ZNF398: variants seen among roughly 807,000 people sequenced by gnomAD.
The protein encoded by ZNF398 is zinc finger protein 398.
A neutral mutation model predicts 41.9 loss-of-function variants in ZNF398; 18 were observed. The observed-to-expected ratio is 0.43, with a 90% CI of 0.30 to 0.64. The LOEUF (loss-of-function observed/expected upper bound fraction) is 0.64. Ranked by LOEUF, ZNF398 falls within the 30% of genes least tolerant of loss-of-function variation. The probability of loss-of-function intolerance (pLI) is 0.14; values close to 1 mark genes in which losing one functional copy is unlikely to be tolerated. For synonymous variants in ZNF398, 260 were observed against 308.8 expected (o/e 0.84, Z 1.66); for missense variants, 669 against 822.8 (o/e 0.81, Z 2.29).
intron 3 of ZNF398, 70 bp downstream of exon 3, chr7:149,166,354 C>A: frequency 6.4e-7 from 1 of 1,573,516 alleles, no homozygotes; most frequent in Non-Finnish European, 8.7e-7. Flanking sequence ...AGTCCCTTTT[C>A]CTCCAGTGAC....
At chr7:149,158,545 G>A (rs1795032182) in intron 2 of ZNF398, among the ~76,000 whole-genome samples, 1 of 152,004 alleles carries the variant, frequency 6.6e-6, no homozygotes, top group African/African-American at 2.4e-5. Flanking sequence ...TTTAAATTTA[G>A]TATTCATGGC....
chr7:149,178,216 C>T (rs965609792), intron 5 of ZNF398, among the ~76,000 whole-genome samples: 5 of 151,838 alleles, frequency 3.3e-5, no homozygotes, highest in East Asian at 1.9e-4. Flanking sequence ...GGCGTGAACC[C>T]GGGAGGCGGA....
At chr7:149,137,107 TCCTCCCACCTCAG>T (rs1285014896) in intron 2 of ZNF398, among the ~76,000 whole-genome samples, 1 of 152,098 alleles carries the variant, frequency 6.6e-6, no homozygotes, top group East Asian at 1.9e-4. Flanking sequence ...CCTCAGGTGA[TCCTCCCACCTCAG>T]CCTCCCAAAG....
intron 2 of ZNF398, among the ~76,000 whole-genome samples, chr7:149,157,024 G>C (rs1794994756): frequency 1.3e-5 from 2 of 152,058 alleles, no homozygotes; most frequent in Admixed American, 6.6e-5. Flanking sequence ...TTTTAACTAG[G>C]TTGGCTCCAG....
intron 2 of ZNF398, among the ~76,000 whole-genome samples, chr7:149,139,360 A>ATTG (rs1826777107): frequency 6.6e-6 from 1 of 152,076 alleles, no homozygotes; most frequent in Admixed American, 6.6e-5. Context: ...TACCTGGTCT[A>ATTG]TTGTTACTGT....
chr7:149,156,845 G>T (rs1794991215), intron 2 of ZNF398, among the ~76,000 whole-genome samples: 1 of 134,174 alleles, frequency 7.5e-6, no homozygotes, highest in Non-Finnish European at 1.6e-5. Flanking sequence ...TGGGCAACAA[G>T]AGCGAAACTC....
chr7:149,157,101 G>A lies in ZNF398; in HGVS notation c.420+2761G>A, dbSNP rs111756739. Among the ~76,000 whole-genome samples the A allele has an allele frequency of 9.5e-3, 1,441 of 152,192 alleles. 20 individuals carry two copies. Among genetic ancestry groups the A allele is most frequent in the African/African-American group, 0.033 (1,384 of 41,538 alleles). ...TTCGGCTTGAAGAACTGGGTAGATGGTGTTGGAGTTTCCTTGAGGGGAATA... is the reference window on the plus strand; with the variant it reads ...TTCGGCTTGAAGAACTGGGTAGATGATGTTGGAGTTTCCTTGAGGGGAATA... On this transcript the variant is annotated intron_variant, in intron 2 of 5. Coordinates refer to ENST00000475153, the MANE Select transcript of ZNF398 (RefSeq NM_170686.3).
At chr7:149,144,303 T>C (rs1007507060), upstream of ZNF398, among the ~76,000 whole-genome samples, 1 of 152,192 alleles carries the variant, frequency 6.6e-6, no homozygotes, top group African/African-American at 2.4e-5. Flanking sequence ...AACATCAAAC[T>C]TGAAAACTTT....
rs1421871326 is a variant in ZNF398, at chr7:149,182,983, A to G, written c.*3182A>G. 3.3e-5 allele frequency among the ~76,000 whole-genome samples: 5 copies of G among 149,924 alleles called. No homozygotes were observed. The highest frequency in any genetic ancestry group is 1.2e-4 in the African/African-American group (5 of 40,536). On this transcript the variant is annotated 3_prime_UTR_variant, in exon 6 of 6. Transcript: ENST00000475153. ...ATCTCAACCAGGACCAGACCCTGTG[A>G]CTTACTCGGTAATAACAGTCCACAC...
At chr7:149,127,008 C>T (rs928102019) in intron 1 of ZNF398, among the ~76,000 whole-genome samples, 1 of 152,184 alleles carries the variant, frequency 6.6e-6, no homozygotes, top group Non-Finnish European at 1.5e-5. Flanking sequence ...CTCAGGGTCG[C>T]CCAGGGATGC....
At chr7:149,171,010 A>ATTTTTTGTTTTTT (rs1249386101) in intron 4 of ZNF398, among the ~76,000 whole-genome samples, 72 of 137,266 alleles carry the variant, frequency 5.2e-4, no homozygotes, top group African/African-American at 1.9e-3. Context: ...CGCCCGGCTA[A>ATTTTTTGTTTTTT]TTTTTTTTTT....
rs777888671 is a variant in ZNF398, at chr7:149,135,389, CAA to C, written c.-490+6466_-490+6467del. ...TGGGTGACAGAGCAAGACTCTGTCT[CAA>C]AAAAAAAAAAAAAAAAAAAAGAAAG... On this transcript the variant is annotated intron_variant, in intron 2 of 6. Coordinates refer to the ZNF398 transcript ENST00000426851. 5.2e-3 allele frequency among the ~76,000 whole-genome samples: 321 copies of C among 61,406 alleles called. 1 individual carries two copies. The highest frequency in any genetic ancestry group is 0.017 in the African/African-American group (293 of 17,058). The allele number at this position is 61,406 out of a possible 152,430, so 40.3% of individuals were successfully genotyped here. A position where few individuals can be genotyped will look rare whatever the true frequency, so the allele number is the denominator to read the frequency against.
chr7:149,175,895 A>G (rs1470128894), intron 4 of ZNF398, among the ~76,000 whole-genome samples: 1 of 152,098 alleles, frequency 6.6e-6, no homozygotes, highest in Non-Finnish European at 1.5e-5. Flanking sequence ...CACGTTGGTC[A>G]GGCTCATCTT....
chr7:149,138,499 C>T (rs1826760607), intron 2 of ZNF398, among the ~76,000 whole-genome samples: 1 of 151,926 alleles, frequency 6.6e-6, no homozygotes, highest in African/African-American at 2.4e-5. Flanking sequence ...AGAATCGCTA[C>T]AATCCAGGAG....
intron 2 of ZNF398, among the ~76,000 whole-genome samples, chr7:149,130,767 G>A (rs1467770378): frequency 1.3e-5 from 2 of 152,186 alleles, no homozygotes; most frequent in Admixed American, 6.6e-5. Flanking sequence ...TGTTGCCAAC[G>A]AAGAAGGCTT....
rs372118457 is a variant in ZNF398, at chr7:149,135,694, C to CT, written c.-490+6751dup. Among the ~76,000 whole-genome samples, 344 of 152,110 alleles carry CT rather than the reference C, an allele frequency of 2.3e-3. 1 individual carries two copies. The highest frequency in any genetic ancestry group is 0.014 in the Middle Eastern group (4 of 294). On this transcript the variant is annotated intron_variant, in intron 2 of 6. Transcript: ENST00000426851. ...ATAGTCCGGGTGCGGTAGCTCACAC[C>CT]TGTAATCCCAGCACTTTGGGAGGCT...
intron 2 of ZNF398, among the ~76,000 whole-genome samples, chr7:149,137,321 C>A (rs1826736052): frequency 6.6e-6 from 1 of 152,174 alleles, no homozygotes; most frequent in African/African-American, 2.4e-5. Context: ...TGAGAGTAGA[C>A]ATCCTTGCCT....
chr7:149,154,265 C>A lies in ZNF398; in HGVS notation c.345C>A (p.Asn115Lys), dbSNP rs1186073810. ...GGCTGCTGCAGAGGCGGCTGGAGAA[C>A]TTGGAGAACCTGCTGCGCAACAGGA... ...EYGLLQRRLE[N>K]LENLLRNRNF... The change falls in exon 2 of 6, where the codon AAC becomes AAA. Residue 115 changes from asparagine to lysine, a missense_variant. Physicochemically the swap from Asn to Lys is moderately conservative, Grantham distance 94 (BLOSUM62 0). Around this residue, in one of 3 missense-constraint regions of ZNF398, gnomAD observed 169 missense variants for 239.5 expected, o/e 0.71. Transcript: ENST00000475153. The A allele has an allele frequency of 2.5e-6, 4 of 1,614,132 alleles. No individual in the cohort carries two copies. The South Asian group carries it at 4.4e-5, about 18-fold the overall frequency.
chr7:149,163,023 G>A (rs1013924495), intron 2 of ZNF398, among the ~76,000 whole-genome samples: 1 of 152,058 alleles, frequency 6.6e-6, no homozygotes, highest in Non-Finnish European at 1.5e-5. Flanking sequence ...CAGATTTAAC[G>A]GCTGAAAAAG....
Sources: allele counts gnomAD v4.1 joint callset (sites outside exome capture counted in the v4.1 genomes callset), GRCh38; gene constraint gnomAD v4.1.1; regional missense constraint gnomAD v4.1.1; transcripts MANE v1.5; gene names NCBI Gene and HGNC (gene_info 2026-07-23, HGNC 2026-07-21).